MAP4K3: variants seen among roughly 807,000 people sequenced by gnomAD.
MAP4K3 encodes mitogen-activated protein kinase kinase kinase kinase 3.
MAP4K3 carries 94 observed loss-of-function variants against 143.5 expected under a neutral mutation model. The ratio of observed to expected loss-of-function variants is 0.65; its 90% CI spans 0.55 to 0.78. The LOEUF is 0.78. MAP4K3 is among the 30% of genes least tolerant of loss of function. MAP4K3 has a pLI of 0.00. For missense variants in MAP4K3, 1,077 were observed against 1,068.1 expected, an observed-to-expected ratio of 1.01 and a Z score of -0.12; for synonymous variants, 416 against 347.2, an observed-to-expected ratio of 1.20 and a Z score of -2.20.
chr2:39,388,892 A>T (rs1277032413), intron 1 of MAP4K3, among the ~76,000 whole-genome samples: 5 of 152,216 alleles, frequency 3.3e-5, no homozygotes, highest in Admixed American at 2.0e-4. Context: ...AAATTACCAC[A>T]TAATATTATT....
chr2:39,305,402 G>C (rs1682666358), intron 15 of MAP4K3, among the ~76,000 whole-genome samples: 2 of 152,098 alleles, frequency 1.3e-5, no homozygotes, highest in African/African-American at 4.8e-5. Context: ...TCCCAGCTCT[G>C]CTATTCTTAG....
At chr2:39,410,997 T>C (rs1346059767) in intron 1 of MAP4K3, among the ~76,000 whole-genome samples, 3 of 152,190 alleles carry the variant, frequency 2.0e-5, no homozygotes, top group African/African-American at 4.8e-5. Flanking sequence ...TTTGATATCA[T>C]TATGCCATTT....
At chr2:39,336,705 C>A (rs1664978911) in intron 6 of MAP4K3, among the ~76,000 whole-genome samples, 2 of 151,964 alleles carry the variant, frequency 1.3e-5, no homozygotes, top group South Asian at 4.1e-4. Context: ...CATTAATCTA[C>A]TGAATGATAT....
At chr2:39,261,389 T>C (rs1680561481) in intron 28 of MAP4K3, among the ~76,000 whole-genome samples, 1 of 152,038 alleles carries the variant, frequency 6.6e-6, no homozygotes, top group South Asian at 2.1e-4. Context: ...AAAAAATAGA[T>C]GGAAAACACT....
At chr2:39,257,427 A>C (rs1047480222) in intron 31 of MAP4K3, among the ~76,000 whole-genome samples, 57 of 152,358 alleles carry the variant, frequency 3.7e-4, no homozygotes, top group African/African-American at 1.3e-3. Context: ...TATACTGAGT[A>C]CTAAATTTTA....
intron 2 of MAP4K3, among the ~76,000 whole-genome samples, chr2:39,366,519 T>C (rs563770179): frequency 3.3e-5 from 5 of 152,204 alleles, no homozygotes; most frequent in Admixed American, 1.3e-4. Flanking sequence ...TGTACTGATG[T>C]TAATACCAGT....
intron 8 of MAP4K3, among the ~76,000 whole-genome samples, chr2:39,327,282 G>A (rs1342148514): frequency 6.6e-6 from 1 of 151,846 alleles, no homozygotes; most frequent in African/African-American, 2.4e-5. Flanking sequence ...AACTTATTTG[G>A]CATTTTTTCT....
At chr2:39,412,485 G>C (rs887349844) in intron 1 of MAP4K3, among the ~76,000 whole-genome samples, 6 of 152,092 alleles carry the variant, frequency 3.9e-5, no homozygotes, top group African/African-American at 9.7e-5. Flanking sequence ...AGATTGATTA[G>C]TCCTAGGCAG....
intron 2 of MAP4K3, among the ~76,000 whole-genome samples, chr2:39,375,368 ATATC>A (rs2148577475): frequency 6.6e-6 from 1 of 152,258 alleles, no homozygotes; most frequent in African/African-American, 2.4e-5. Context: ...TTCTCTAGAG[ATATC>A]TATCAAGTCA....
intron 17 of MAP4K3, 73 bp from the exon 18 acceptor site, chr2:39,292,899 G>T: frequency 1.6e-6 from 2 of 1,239,046 alleles, no homozygotes; most frequent in Non-Finnish European, 2.4e-6. Context: ...TTTAGAAAAT[G>T]CAGGAAAAGC....
At chr2:39,374,988 A>G (rs1300870028) in intron 2 of MAP4K3, among the ~76,000 whole-genome samples, 1 of 152,212 alleles carries the variant, frequency 6.6e-6, no homozygotes, top group Admixed American at 6.5e-5. Flanking sequence ...TAGGCCAGAC[A>G]TAGTGGCTCA....
intron 1 of MAP4K3, among the ~76,000 whole-genome samples, chr2:39,431,825 C>A (rs1051915903): frequency 2.6e-5 from 4 of 152,166 alleles, no homozygotes; most frequent in African/African-American, 9.7e-5. Context: ...CATTTTACAG[C>A]TGAGGAAACT....
intron 8 of MAP4K3, among the ~76,000 whole-genome samples, chr2:39,329,886 A>G (rs1157958514): frequency 2.6e-5 from 4 of 152,222 alleles, no homozygotes; most frequent in Non-Finnish European, 4.4e-5. Context: ...ATGCTCTTCA[A>G]AGTGAACCAA....
At position 39,286,875 on chromosome 2, in the gene MAP4K3, T is replaced by C. The variant is rs1681800208; in HGVS notation, c.1564A>G (p.Arg522Gly). The C allele has an allele frequency of 6.2e-7, 1 of 1,606,698 alleles. No individual in the cohort carries two copies. Among genetic ancestry groups the C allele is most frequent in the Non-Finnish European group, 8.5e-7 (1 of 1,178,140 alleles). ...ACTGGTACATCTTTCTTTTCTTTTC[T>C]TGAAAGGTTTGTGCCTCTATGTTCA... ...QNEHRGTNLS[R>G]KEKKDVPKPI... Residue 522 changes from arginine to glycine, a missense_variant, in exon 21 of 34, where the codon AGA becomes GGA. Physicochemically the swap from Arg to Gly is moderately radical, Grantham distance 125. Around this residue, in one of 2 missense-constraint regions of MAP4K3, gnomAD observed 864 missense variants for 801.2 expected, o/e 1.08. Coordinates refer to ENST00000263881, the MANE Select transcript of MAP4K3 (RefSeq NM_003618.4).
At chr2:39,258,991 A>AT (rs1432348082) in intron 29 of MAP4K3, among the ~76,000 whole-genome samples, 1 of 148,678 alleles carries the variant, frequency 6.7e-6, no homozygotes, top group Non-Finnish European at 1.5e-5. Context: ...TCACCTGGGA[A>AT]TTTACAAAAA....
At chr2:39,269,975 C>T (rs947919875) in intron 26 of MAP4K3, among the ~76,000 whole-genome samples, 1 of 152,132 alleles carries the variant, frequency 6.6e-6, no homozygotes, top group Non-Finnish European at 1.5e-5. Flanking sequence ...AACGAATCTG[C>T]TTTGAACCAA....
chr2:39,414,405 C>G (rs1183166353), intron 1 of MAP4K3, among the ~76,000 whole-genome samples: 1 of 152,120 alleles, frequency 6.6e-6, no homozygotes, highest in Admixed American at 6.5e-5. Flanking sequence ...GTAGCAATTC[C>G]AAAACAGCTC....
intron 1 of MAP4K3, among the ~76,000 whole-genome samples, chr2:39,415,795 T>C (rs1469396397): frequency 2.7e-5 from 4 of 149,652 alleles, no homozygotes; most frequent in Non-Finnish European, 5.9e-5. Flanking sequence ...CTACCAAAAA[T>C]ACAAAATATT....
At chr2:39,364,340 T>G (rs963962185) in intron 2 of MAP4K3, among the ~76,000 whole-genome samples, 1 of 152,236 alleles carries the variant, frequency 6.6e-6, no homozygotes, top group East Asian at 1.9e-4. Flanking sequence ...ACATAATGGT[T>G]ATAGTTAACA....
Sources: allele counts gnomAD v4.1 joint callset (sites outside exome capture counted in the v4.1 genomes callset), GRCh38; gene constraint gnomAD v4.1.1; regional missense constraint gnomAD v4.1.1; transcripts MANE v1.5; gene names NCBI Gene and HGNC (gene_info 2026-07-23, HGNC 2026-07-21).